The following AGBL4 variants were observed in gnomAD, a reference collection of about 807,000 sequenced individuals.
AGBL4 encodes AGBL carboxypeptidase 4, also known as cytosolic carboxypeptidase 6.
AGBL4 carries 58 observed loss-of-function variants against 66.4 expected under a neutral mutation model. The ratio of observed to expected loss-of-function variants is 0.87; its 90% CI spans 0.71 to 1.09. The LOEUF is 1.09. Among genes scored for constraint, AGBL4 ranks in the 50% least tolerant of loss-of-function variants. The pLI is 0.00. For synonymous variants in AGBL4, 234 were observed against 222.9 expected (o/e 1.05, Z -0.44); for missense variants, 579 against 631.0 (o/e 0.92, Z 0.88).
chr1:48,865,554 A>AT (rs927744782), intron 6 of AGBL4, among the ~76,000 whole-genome samples: 4 of 151,444 alleles, frequency 2.6e-5, no homozygotes, highest in African/African-American at 7.3e-5. Flanking sequence ...GGCAGTGCTG[A>AT]TTTTTTTTTC....
At chr1:48,988,733 T>G (rs1282072572) in intron 5 of AGBL4, among the ~76,000 whole-genome samples, 1 of 152,082 alleles carries the variant, frequency 6.6e-6, no homozygotes, top group Non-Finnish European at 1.5e-5. Flanking sequence ...AAAATTCAAT[T>G]TAGAAGGCCT....
chr1:49,403,906 T>A (rs998319331), intron 3 of AGBL4, among the ~76,000 whole-genome samples: 4 of 152,214 alleles, frequency 2.6e-5, no homozygotes, highest in African/African-American at 9.6e-5. Flanking sequence ...ATGCTTTCTC[T>A]CTGTCTTCTG....
At chr1:48,802,716 C>T (rs1303822797) in intron 6 of AGBL4, among the ~76,000 whole-genome samples, 1 of 152,174 alleles carries the variant, frequency 6.6e-6, no homozygotes, top group Non-Finnish European at 1.5e-5. Flanking sequence ...TGTCTATGCT[C>T]CCAGTAATAT....
chr1:49,664,833 T>C (rs1351188779), intron 3 of AGBL4, among the ~76,000 whole-genome samples: 1 of 152,080 alleles, frequency 6.6e-6, no homozygotes, highest in Non-Finnish European at 1.5e-5. Context: ...CAGTATTCAG[T>C]ATGTTAGACT....
At chr1:48,904,124 C>T (rs1652355001) in intron 5 of AGBL4, among the ~76,000 whole-genome samples, 1 of 151,968 alleles carries the variant, frequency 6.6e-6, no homozygotes, top group Admixed American at 6.6e-5. Context: ...AATAAATATA[C>T]AAAAATTAAC....
intron 2 of AGBL4, among the ~76,000 whole-genome samples, chr1:49,794,240 T>C (rs1055342291): frequency 9.2e-5 from 14 of 151,972 alleles, no homozygotes; most frequent in Non-Finnish European, 1.8e-4. Context: ...TGCCGATACA[T>C]AGAAAAAGCA....
At chr1:49,151,280 A>G (rs911974733) in intron 4 of AGBL4, among the ~76,000 whole-genome samples, 2 of 147,262 alleles carry the variant, frequency 1.4e-5, no homozygotes, top group African/African-American at 5.0e-5. Flanking sequence ...AAAAAAAAAA[A>G]AATATATATA....
chr1:49,483,749 A>C (rs2148730745), intron 3 of AGBL4, among the ~76,000 whole-genome samples: 1 of 151,990 alleles, frequency 6.6e-6, no homozygotes, highest in Middle Eastern at 3.4e-3. Context: ...GGCCCAATGA[A>C]ATCCCATCAT....
chr1:49,940,163 C>T (rs1409557511), intron 1 of AGBL4, among the ~76,000 whole-genome samples: 1 of 152,182 alleles, frequency 6.6e-6, no homozygotes, highest in East Asian at 1.9e-4. Context: ...TACCATCTCA[C>T]ACCAGTTAGA....
intron 2 of AGBL4, among the ~76,000 whole-genome samples, chr1:49,741,537 C>A (rs886957936): frequency 3.3e-5 from 5 of 152,190 alleles, no homozygotes; most frequent in African/African-American, 1.2e-4. Context: ...GGAATCCTCC[C>A]TAACTCATAT....
chr1:49,657,913 A>T (rs1646179018), intron 3 of AGBL4, among the ~76,000 whole-genome samples: 1 of 152,176 alleles, frequency 6.6e-6, no homozygotes, highest in African/African-American at 2.4e-5. Context: ...CCTAGAAAAA[A>T]ACCTAGGCAA....
chr1:49,226,878 A>T (rs1182827402), intron 4 of AGBL4, among the ~76,000 whole-genome samples: 1 of 152,182 alleles, frequency 6.6e-6, no homozygotes, highest in Admixed American at 6.6e-5. Flanking sequence ...ATTATCTCTC[A>T]CAGTTCTGGA....
chr1:48,650,445 CCTT>C (rs1645909132), intron 8 of AGBL4, among the ~76,000 whole-genome samples: 1 of 10,288 alleles, frequency 9.7e-5, no homozygotes. Flanking sequence ...TGAGAACCAA[CCTT>C]CCTTCCTTCC....
In AGBL4 at chr1:48,663,194, G is replaced by A. The variant is rs377176707; in HGVS notation, c.682C>T (p.Arg228Ter). 21 of 1,613,924 alleles carry A rather than the reference G, an allele frequency of 1.3e-5. 1 individual carries two copies. Among genetic ancestry groups the A allele is most frequent in the African/African-American group, 5.3e-5 (4 of 75,018 alleles). ...AEQKVVFITG[R>*]VHPGETPSSF... ...GAGGGTGTTTCCCCTGGGTGGACTC[G>A]TCCTGTGATGAATACCACCTTCTGC... Residue 228 changes from arginine (R) to a stop codon, truncating the protein, a stop_gained, in exon 7 of 14, where the codon CGA becomes TGA. Transcript: ENST00000371839. LOFTEE classifies it high-confidence loss of function.
intron 6 of AGBL4, among the ~76,000 whole-genome samples, chr1:48,831,758 A>G (rs1393574207): frequency 6.6e-6 from 1 of 152,176 alleles, no homozygotes; most frequent in Non-Finnish European, 1.5e-5. Flanking sequence ...TCTCTCATAC[A>G]TAATCGGTAC....
chr1:49,326,184 G>A (rs1000788520), intron 3 of AGBL4, among the ~76,000 whole-genome samples: 6 of 152,150 alleles, frequency 3.9e-5, no homozygotes, highest in Non-Finnish European at 8.8e-5. Flanking sequence ...GGTCTGCAAG[G>A]AATAAATTTT....
At chr1:49,306,870 C>T (rs569713365) in intron 3 of AGBL4, among the ~76,000 whole-genome samples, 26 of 152,278 alleles carry the variant, frequency 1.7e-4, no homozygotes, top group African/African-American at 5.3e-4. Context: ...TCATGAATCA[C>T]TATGGCAATT....
intron 4 of AGBL4, among the ~76,000 whole-genome samples, chr1:49,103,489 G>C (rs1300379530): frequency 6.6e-6 from 1 of 152,178 alleles, no homozygotes; most frequent in Admixed American, 6.5e-5. Context: ...TGCAGAAGGG[G>C]AAACTGCAGC....
intron 4 of AGBL4, among the ~76,000 whole-genome samples, chr1:49,051,702 C>T (rs907454310): frequency 1.3e-5 from 2 of 152,100 alleles, no homozygotes; most frequent in African/African-American, 4.8e-5. Context: ...TAAATGCACC[C>T]TCCCTAGGCA....
Sources: gnomAD v4.1 joint callset for allele counts (sites outside exome capture counted in the v4.1 genomes callset) on GRCh38, gnomAD v4.1.1 for gene constraint, MANE v1.5 for transcripts, NCBI Gene and HGNC (gene_info 2026-07-23, HGNC 2026-07-21) for gene names.